MSR1: variants seen among roughly 807,000 people sequenced by gnomAD.
MSR1 encodes the protein macrophage scavenger receptor 1, also known as macrophage scavenger receptor types I and II.
In MSR1, 53 loss-of-function variants were observed where a neutral mutation model predicts 47.2. That is an observed-to-expected ratio of 1.12 (90% CI 0.90 to 1.41). The LOEUF is 1.41. Among genes scored for constraint, MSR1 ranks in the 40% most tolerant of loss-of-function variants. The pLI, the probability that MSR1 is intolerant of heterozygous loss-of-function variation, is 0.00. For missense variants in MSR1, 786 were observed against 546.9 expected (o/e 1.44, Z -4.36); for synonymous variants, 239 against 185.6 (o/e 1.29, Z -2.34).
At chr8:16,159,015 A>C (rs908713323) in intron 5 of MSR1, among the ~76,000 whole-genome samples, 1 of 138,110 alleles carries the variant, frequency 7.2e-6, no homozygotes, top group African/African-American at 2.8e-5. Context: ...AAAGGCCCTC[A>C]TGTCTCACTC....
chr8:16,155,220 A>T (rs1316491522), intron 5 of MSR1, 76 bp from the exon 6 acceptor site: 46 of 1,033,838 alleles, frequency 4.4e-5, no homozygotes, highest in Non-Finnish European at 6.9e-5. Context: ...CAAGGTACTT[A>T]TATAAGGAAA....
intron 7 of MSR1, among the ~76,000 whole-genome samples, chr8:16,149,178 G>A (rs1476146768): frequency 3.3e-5 from 5 of 152,002 alleles, no homozygotes; most frequent in Non-Finnish European, 7.4e-5. Flanking sequence ...GTACATTATA[G>A]ATTTTGGGTA....
intron 1 of MSR1, among the ~76,000 whole-genome samples, chr8:16,192,349 A>T (rs762480542): frequency 6.6e-5 from 10 of 152,200 alleles, no homozygotes; most frequent in Non-Finnish European, 1.0e-4. Flanking sequence ...AGTGTATTTC[A>T]TATGTACTTG....
intron 9 of MSR1, among the ~76,000 whole-genome samples, chr8:16,119,400 A>G (rs1157856755): frequency 1.3e-5 from 2 of 151,858 alleles, no homozygotes; most frequent in East Asian, 3.9e-4. Flanking sequence ...TAATTTTTGT[A>G]TTTTTAGTAG....
chr8:16,167,743 A>C (rs1441986303), intron 4 of MSR1, among the ~76,000 whole-genome samples: 1 of 152,086 alleles, frequency 6.6e-6, no homozygotes, highest in African/African-American at 2.4e-5. Flanking sequence ...CAACTTAATC[A>C]ATGTCTATCC....
intron 3 of MSR1, among the ~76,000 whole-genome samples, chr8:16,169,768 G>A (rs892364309): frequency 6.6e-6 from 1 of 151,598 alleles, no homozygotes; most frequent in African/African-American, 2.4e-5. Context: ...AAACTCCATT[G>A]TAGTATATGT....
At chr8:16,179,626 T>A (rs1383784495) in intron 1 of MSR1, among the ~76,000 whole-genome samples, 1 of 152,096 alleles carries the variant, frequency 6.6e-6, no homozygotes, top group East Asian at 1.9e-4. Context: ...ACGCCTGTAA[T>A]CCCAGCACTT....
At chr8:16,135,591 T>A (rs1467740294) in intron 8 of MSR1, among the ~76,000 whole-genome samples, 1 of 152,154 alleles carries the variant, frequency 6.6e-6, no homozygotes, top group Non-Finnish European at 1.5e-5. Flanking sequence ...GTGTAGCCCA[T>A]GGATCCAGGA....
chr8:16,161,063 A>G (rs992944829), intron 5 of MSR1, among the ~76,000 whole-genome samples: 15 of 148,410 alleles, frequency 1.0e-4, no homozygotes, highest in African/African-American at 3.7e-4. Flanking sequence ...GCTATTTAGA[A>G]TGGACTAAGA....
intron 8 of MSR1, chr8:16,140,984 C>A (rs758490717): frequency 1.2e-6 from 2 of 1,613,904 alleles, no homozygotes; most frequent in Non-Finnish European, 1.7e-6. Context: ...GAGGATGTCC[C>A]GCCCAACCCA....
chr8:16,144,186 C>T (rs1365928522), intron 7 of MSR1, among the ~76,000 whole-genome samples: 3 of 152,068 alleles, frequency 2.0e-5, no homozygotes, highest in Non-Finnish European at 4.4e-5. Context: ...ACAAATATTT[C>T]ATATGAGGGT....
intron 2 of MSR1, among the ~76,000 whole-genome samples, chr8:16,175,854 T>C (rs999689176): frequency 1.3e-5 from 2 of 152,194 alleles, no homozygotes; most frequent in Non-Finnish European, 1.5e-5. Flanking sequence ...ATAAAGTGAT[T>C]CACATTTTTA....
In MSR1 at chr8:16,164,066, T is replaced by G. The variant is rs1801234670; in HGVS notation, c.816A>C (p.Gln272His). Residue 272 changes from glutamine (Q) to histidine (H), a missense_variant and splice_region_variant, in exon 5 of 10, where the codon CAA becomes CAC. Transcript: ENST00000262101. ...TGGAGAAATGACAAGACATTTTACC[T>G]TGAATTAAAGTGATATTTCTCAAGG... ...SQTLRNITLI[Q>H]GPPGPPGEKG... is the part of the protein sequence containing the mutation. The G allele has an allele frequency of 6.2e-7, 1 of 1,604,502 alleles. No homozygotes were observed. Among genetic ancestry groups the G allele is most frequent in the African/African-American group, 1.3e-5 (1 of 74,762 alleles).
At chr8:16,151,752 A>C (rs1161918252) in intron 6 of MSR1, among the ~76,000 whole-genome samples, 1 of 152,116 alleles carries the variant, frequency 6.6e-6, no homozygotes, top group Admixed American at 6.6e-5. Flanking sequence ...AATCACTTAC[A>C]TAAAGCTGGT....
intron 8 of MSR1, among the ~76,000 whole-genome samples, chr8:16,128,652 A>G (rs1800183490): frequency 6.6e-6 from 1 of 152,156 alleles, no homozygotes; most frequent in South Asian, 2.1e-4. Context: ...TTTACTTGCA[A>G]ACGAGAAATA....
intron 9 of MSR1, among the ~76,000 whole-genome samples, chr8:16,118,649 G>C (rs1003116414): frequency 6.6e-6 from 1 of 152,036 alleles, no homozygotes; most frequent in African/African-American, 2.4e-5. Flanking sequence ...CCGCACTCCA[G>C]CCTGGGTGAC....
At chr8:16,164,372 A>T in intron 4 of MSR1, 121 bp from the exon 5 acceptor site, 1 of 754,962 alleles carries the variant, frequency 1.3e-6, no homozygotes, top group East Asian at 2.7e-5. Flanking sequence ...TTATGGAATA[A>T]GAATATAGAA....
At chr8:16,190,124 C>T (rs1048166049) in intron 1 of MSR1, among the ~76,000 whole-genome samples, 1 of 151,954 alleles carries the variant, frequency 6.6e-6, no homozygotes, top group African/African-American at 2.4e-5. Flanking sequence ...TCTCAAACTC[C>T]TGACCTCAGG....
chr8:16,156,684 C>G (rs183096683), intron 5 of MSR1, among the ~76,000 whole-genome samples: 2 of 151,650 alleles, frequency 1.3e-5, no homozygotes, highest in Admixed American at 1.3e-4. Flanking sequence ...TTTACCATTT[C>G]TTTCCTAAGT....
Sources: gnomAD v4.1 joint callset for allele counts (sites outside exome capture counted in the v4.1 genomes callset) on GRCh38, gnomAD v4.1.1 for gene constraint, MANE v1.5 for transcripts, NCBI Gene and HGNC (gene_info 2026-07-23, HGNC 2026-07-21) for gene names.